Variants in PCDH9 observed in about 807,000 individuals in gnomAD.
The protein encoded by PCDH9 is protocadherin 9.
Under a neutral mutation model 70.6 loss-of-function variants are expected in PCDH9, and 24 were observed. The observed-to-expected ratio is 0.34, with a 90% CI of 0.25 to 0.48. The LOEUF is 0.48. Ranked by LOEUF, PCDH9 falls within the 20% of genes least tolerant of loss-of-function variation. The pLI, the probability that PCDH9 is intolerant of heterozygous loss-of-function variation, is 0.99. For missense variants in PCDH9, 1,281 were observed against 1,503.6 expected (o/e 0.85, Z 2.45); for synonymous variants, 562 against 558.5 (o/e 1.01, Z -0.09).
At chr13:66,655,571 A>G (rs1244938164) in intron 3 of PCDH9, among the ~76,000 whole-genome samples, 1 of 152,028 alleles carries the variant, frequency 6.6e-6, no homozygotes, top group Non-Finnish European at 1.5e-5. Flanking sequence ...ATTTAATATA[A>G]TCTGAGTGTA....
chr13:67,139,740 G>T (rs1014891556), intron 2 of PCDH9, among the ~76,000 whole-genome samples: 1 of 152,102 alleles, frequency 6.6e-6, no homozygotes, highest in Non-Finnish European at 1.5e-5. Context: ...ACCATAGCAC[G>T]ACATCTGCTC....
At chr13:66,880,453 C>G (rs1019057482) in intron 3 of PCDH9, among the ~76,000 whole-genome samples, 2 of 152,122 alleles carry the variant, frequency 1.3e-5, no homozygotes, top group African/African-American at 4.8e-5. Flanking sequence ...AACAGGCAAT[C>G]ATTAGCAGAA....
chr13:66,430,753 C>T (rs1957757396), intron 4 of PCDH9, among the ~76,000 whole-genome samples: 1 of 152,054 alleles, frequency 6.6e-6, no homozygotes, highest in Admixed American at 6.6e-5. Context: ...GGGAGACTTA[C>T]ATATAAACAA....
chr13:66,583,463 T>C (rs888370756), intron 4 of PCDH9, among the ~76,000 whole-genome samples: 2 of 151,786 alleles, frequency 1.3e-5, no homozygotes, highest in Admixed American at 1.3e-4. Context: ...ATACAAAAAA[T>C]TGGCTGGGCT....
At chr13:66,939,411 C>G (rs1230224978) in intron 2 of PCDH9, among the ~76,000 whole-genome samples, 4 of 128,540 alleles carry the variant, frequency 3.1e-5, no homozygotes, top group African/African-American at 5.7e-5. Context: ...AAGGTGAGGT[C>G]ACTTTAAAAT....
chr13:66,961,145 A>G, intron 2 of PCDH9, among the ~76,000 whole-genome samples: 1 of 152,206 alleles, frequency 6.6e-6, no homozygotes, highest in East Asian at 1.9e-4. Context: ...ATAAAACCAA[A>G]ACAAACACTA....
intron 3 of PCDH9, among the ~76,000 whole-genome samples, chr13:66,863,110 C>A (rs908898842): frequency 6.6e-6 from 1 of 151,818 alleles, no homozygotes; most frequent in Non-Finnish European, 1.5e-5. Context: ...TACTCAGAGG[C>A]GAATTTAAAT....
chr13:66,463,155 C>G (rs1958455351), intron 4 of PCDH9, among the ~76,000 whole-genome samples: 1 of 151,714 alleles, frequency 6.6e-6, no homozygotes, highest in Non-Finnish European at 1.5e-5. Flanking sequence ...AGAGAACTAC[C>G]TCCTTAGGGA....
intron 2 of PCDH9, among the ~76,000 whole-genome samples, chr13:67,188,755 C>G (rs1161776852): frequency 1.3e-5 from 2 of 151,886 alleles, no homozygotes; most frequent in Non-Finnish European, 1.5e-5. Flanking sequence ...CTGAAAGTTC[C>G]TTTTTATAAG....
At chr13:66,691,420 T>C (rs1337532840) in intron 3 of PCDH9, among the ~76,000 whole-genome samples, 2 of 152,204 alleles carry the variant, frequency 1.3e-5, no homozygotes, top group Non-Finnish European at 2.9e-5. Flanking sequence ...TCTTTTGTTA[T>C]GGAGTACTTA....
At position 66,409,158 on chromosome 13, in the gene PCDH9, G is replaced by GA. The variant is rs201437479; in HGVS notation, c.3341-104131dup. Among the ~76,000 whole-genome samples, 39 of 148,604 alleles carry GA rather than the reference G, an allele frequency of 2.6e-4. 1 individual carries two copies. In the South Asian group the frequency reaches 4.3e-3, roughly 16 times the overall value. On this transcript the variant is annotated intron_variant, in intron 4 of 4. Coordinates refer to ENST00000377865, the MANE Select transcript of PCDH9 (RefSeq NM_203487.3). ...GAATTCCATACAGACTTTGAGAAAT[G>GA]AAAAAAAAAGGAGCCAGGTGGCCAA...
At chr13:67,156,909 G>T (rs1379556004) in intron 2 of PCDH9, among the ~76,000 whole-genome samples, 1 of 152,198 alleles carries the variant, frequency 6.6e-6, no homozygotes, top group Non-Finnish European at 1.5e-5. Context: ...CACATCGCAT[G>T]CCCTGCCGGG....
At chr13:66,542,014 A>C (rs554105871) in intron 4 of PCDH9, among the ~76,000 whole-genome samples, 1 of 152,310 alleles carries the variant, frequency 6.6e-6, no homozygotes, top group South Asian at 2.1e-4. Flanking sequence ...GTTTGCATTT[A>C]AAAGGCTTGC....
intron 4 of PCDH9, among the ~76,000 whole-genome samples, chr13:66,448,468 T>C (rs892706429): frequency 2.6e-5 from 4 of 152,196 alleles, no homozygotes; most frequent in Non-Finnish European, 4.4e-5. Flanking sequence ...AAAAGATTAG[T>C]AGAATTTTAG....
At chr13:67,075,750 G>A (rs2085866088) in intron 2 of PCDH9, among the ~76,000 whole-genome samples, 1 of 151,964 alleles carries the variant, frequency 6.6e-6, no homozygotes, top group South Asian at 2.1e-4. Context: ...CACTCCATTT[G>A]ATTAGTCTAG....
rs1054491088 is a variant in PCDH9 at position 66,613,868 on chromosome 13, A to G, written c.3340+17342T>C. Among the ~76,000 whole-genome samples, 22 of 152,332 alleles carry G rather than the reference A, an allele frequency of 1.4e-4. 2 individuals are homozygous for G. In the South Asian group the frequency reaches 3.7e-3, roughly 26 times the overall value. ...AGTTCACATGACTTTAATATTTAAG[A>G]AATAAAAACAACCCTAAAGACTATT... On this transcript the variant is annotated intron_variant, in intron 4 of 4. Coordinates refer to ENST00000377865, the MANE Select transcript of PCDH9 (RefSeq NM_203487.3).
chr13:66,884,150 T>C (rs1181179261), intron 3 of PCDH9, among the ~76,000 whole-genome samples: 2 of 151,908 alleles, frequency 1.3e-5, no homozygotes, highest in Non-Finnish European at 2.9e-5. Flanking sequence ...CGCCTGCCTC[T>C]GTCTCCCAAA....
At chr13:66,827,792 T>A (rs1353681014) in intron 3 of PCDH9, among the ~76,000 whole-genome samples, 1 of 152,092 alleles carries the variant, frequency 6.6e-6, no homozygotes, top group Non-Finnish European at 1.5e-5. Flanking sequence ...AACCGATGGG[T>A]AAGGAAGACT....
chr13:67,182,462 C>T (rs1327369191), intron 2 of PCDH9, among the ~76,000 whole-genome samples: 2 of 152,162 alleles, frequency 1.3e-5, no homozygotes, highest in East Asian at 3.9e-4. Context: ...TTAGTCCAAA[C>T]TATCATTATA....
Sources: allele counts gnomAD v4.1 joint callset (sites outside exome capture counted in the v4.1 genomes callset), GRCh38; gene constraint gnomAD v4.1.1; transcripts MANE v1.5; gene names NCBI Gene and HGNC (gene_info 2026-07-23, HGNC 2026-07-21).